DUSP22: variants seen among roughly 807,000 people sequenced by gnomAD.
DUSP22 encodes dual specificity phosphatase 22, also known as dual specificity protein phosphatase 22.
A neutral mutation model predicts 24.5 loss-of-function variants in DUSP22; 24 were observed. The observed-to-expected ratio is 0.98, with a 90% CI of 0.71 to 1.38. DUSP22 has a LOEUF of 1.38. Ranked by LOEUF, DUSP22 falls within the 40% of genes most tolerant of loss-of-function variation. The pLI is 0.00. For missense variants in DUSP22, 330 were observed against 269.2 expected, an observed-to-expected ratio of 1.23 and a Z score of -1.58; for synonymous variants, 160 against 106.4, an observed-to-expected ratio of 1.50 and a Z score of -3.10.
chr6:301,147 A>G (rs2127390912), intron 1 of DUSP22, among the ~76,000 whole-genome samples: 1 of 152,430 alleles, frequency 6.6e-6, no homozygotes, highest in South Asian at 2.1e-4. Context: ...CTTCCCACCA[A>G]GACTCCCTGG....
intron 1 of DUSP22, 88 bp downstream of exon 1, chr6:292,648 C>G: frequency 2.0e-6 from 3 of 1,509,586 alleles, no homozygotes; most frequent in Non-Finnish European, 2.7e-6. Flanking sequence ...GACTCGAGCC[C>G]GGGGTGCCCT....
chr6:346,007 G>T, intron 5 of DUSP22, 79 bp downstream of exon 5: 1 of 1,561,734 alleles, frequency 6.4e-7, no homozygotes, highest in Non-Finnish European at 8.8e-7. Flanking sequence ...TTCCGTGTGT[G>T]AATAATGGTT....
At chr6:306,191 G>A (rs953006078) in intron 2 of DUSP22, among the ~76,000 whole-genome samples, 4 of 152,304 alleles carry the variant, frequency 2.6e-5, no homozygotes, top group Admixed American at 2.0e-4. Flanking sequence ...TGTTTTCATG[G>A]GGAAAGGGAG....
At position 349,016 on chromosome 6, in the gene DUSP22, C is replaced by G. The variant is rs11242813; in HGVS notation, c.*65C>G. The G allele has an allele frequency of 6.5e-7, 1 of 1,533,002 alleles. No individual in the cohort carries two copies. The highest frequency in any genetic ancestry group is 2.5e-5 in the East Asian group (1 of 40,640). The allele number at this position is 1,533,002 out of a possible 1,614,324, so 95.0% of individuals were successfully genotyped here. On this transcript the variant is annotated 3_prime_UTR_variant, in exon 7 of 7. Coordinates refer to ENST00000419235, the MANE Select transcript of DUSP22 (RefSeq NM_001286555.3). ...CAGTGTGCCCGGCTGGGCAGGGGTG[C>G]GGTGGTGGTGGCCGATGAGGACAGG...
At chr6:313,748 T>C (rs1269435151) in intron 3 of DUSP22, among the ~76,000 whole-genome samples, 1 of 152,310 alleles carries the variant, frequency 6.6e-6, no homozygotes, top group African/African-American at 2.4e-5. Flanking sequence ...TGTATTAGTA[T>C]TGCCCCTCTT....
At chr6:301,098 T>A (rs909563573) in intron 1 of DUSP22, among the ~76,000 whole-genome samples, 3 of 152,306 alleles carry the variant, frequency 2.0e-5, no homozygotes, top group Admixed American at 2.0e-4. Flanking sequence ...TGAGCAGGTA[T>A]CTGGCATTGG....
At chr6:292,798 G>T (rs540752820) in intron 1 of DUSP22, among the ~76,000 whole-genome samples, 5 of 152,400 alleles carry the variant, frequency 3.3e-5, no homozygotes, top group African/African-American at 9.6e-5. Context: ...TTGCCAGCCG[G>T]TGCGTTTTCG....
intron 3 of DUSP22, among the ~76,000 whole-genome samples, chr6:318,595 A>G (rs1009635361): frequency 5.3e-5 from 8 of 152,300 alleles, no homozygotes; most frequent in Admixed American, 4.6e-4. Flanking sequence ...TCCCCAGGTG[A>G]CCACAGCAGG....
At chr6:317,237 T>TC (rs1207909227) in intron 3 of DUSP22, among the ~76,000 whole-genome samples, 1 of 152,304 alleles carries the variant, frequency 6.6e-6, no homozygotes, top group African/African-American at 2.4e-5. Flanking sequence ...CCATCCTTTT[T>TC]CCCCGGGTCA....
At chr6:329,068 A>C (rs1225574253) in intron 3 of DUSP22, among the ~76,000 whole-genome samples, 2 of 152,306 alleles carry the variant, frequency 1.3e-5, no homozygotes, top group East Asian at 3.8e-4. Flanking sequence ...CACACACGTA[A>C]ATGAGCATTC....
intron 1 of DUSP22, among the ~76,000 whole-genome samples, chr6:295,721 G>A (rs1174113739): frequency 6.6e-6 from 1 of 151,584 alleles, no homozygotes; most frequent in African/African-American, 2.4e-5. Flanking sequence ...AATCACCTCA[G>A]CCCGGGAAGT....
chr6:296,190 T>G (rs571368533), intron 1 of DUSP22, among the ~76,000 whole-genome samples: 1 of 152,312 alleles, frequency 6.6e-6, no homozygotes, highest in Non-Finnish European at 1.5e-5. Context: ...CTAAAACTTT[T>G]TTTTTATTGT....
chr6:340,459 A>C (rs1759558810), intron 4 of DUSP22, among the ~76,000 whole-genome samples: 1 of 152,308 alleles, frequency 6.6e-6, no homozygotes, highest in African/African-American at 2.4e-5. Context: ...CTCTGTTATG[A>C]AACCACCTTC....
In DUSP22 at chr6:350,095, C is replaced by T. The variant is rs894897957; in HGVS notation, c.*1144C>T. 1 of 986,034 alleles carries T rather than the reference C, an allele frequency of 1.0e-6. No homozygotes were observed. The highest frequency in any genetic ancestry group is 1.2e-6 in the Non-Finnish European group (1 of 830,338). 61.1% of individuals were successfully genotyped at this position (986,034 alleles called of 1,614,324 possible). On this transcript the variant is annotated 3_prime_UTR_variant, in exon 7 of 7. Transcript: ENST00000419235. ...GTTTGATAATTGATCTGAGCTACCT[C>T]ATTGAATGTTTTTGGAAAGGTGTTT...
chr6:311,933 G>T lies in DUSP22; in HGVS notation c.109G>T (p.Val37Phe). 2.5e-6 allele frequency: 4 copies of T among 1,612,776 alleles called. No homozygotes were observed. Among genetic ancestry groups the T allele is most frequent in the Non-Finnish European group, 3.4e-6 (4 of 1,179,210 alleles). Reference protein sequence around the residue: ...SKNKVTHILSVHDSARPMLEG... With the variant: ...SKNKVTHILSFHDSARPMLEG... ...GAACAAGGTGACACATATTCTGTCT[G>T]TCCACGATAGTGCCAGGCCTATGTT... Residue 37 changes from valine to phenylalanine, a missense_variant, in exon 3 of 7, where the codon GTC (valine) becomes TTC (phenylalanine). By Grantham distance (50) the Val-to-Phe change is conservative (BLOSUM62 -1). Coordinates refer to ENST00000419235, the MANE Select transcript of DUSP22 (RefSeq NM_001286555.3).
chr6:330,938 G>T (rs961795522), intron 3 of DUSP22, among the ~76,000 whole-genome samples: 1 of 152,300 alleles, frequency 6.6e-6, no homozygotes, highest in South Asian at 2.1e-4. Context: ...AATATACGGT[G>T]TACACCTGGT....
chr6:301,448 T>C (rs1266887393), intron 1 of DUSP22, among the ~76,000 whole-genome samples: 2 of 152,418 alleles, frequency 1.3e-5, no homozygotes, highest in Admixed American at 6.5e-5. Context: ...GCGGAAGCCA[T>C]GCTGAATATT....
At chr6:311,278 G>C (rs1182750362) in intron 2 of DUSP22, among the ~76,000 whole-genome samples, 1 of 152,308 alleles carries the variant, frequency 6.6e-6, no homozygotes, top group Non-Finnish European at 1.5e-5. Flanking sequence ...GGAGACTGCT[G>C]TTATATTACA....
At chr6:347,672 C>T (rs1487612451) in intron 5 of DUSP22, among the ~76,000 whole-genome samples, 1 of 152,306 alleles carries the variant, frequency 6.6e-6, no homozygotes, top group Non-Finnish European at 1.5e-5. Flanking sequence ...CCTCATATAG[C>T]TGAGAAAACT....
Sources: allele counts gnomAD v4.1 joint callset (sites outside exome capture counted in the v4.1 genomes callset), GRCh38; gene constraint gnomAD v4.1.1; transcripts MANE v1.5; gene names NCBI Gene and HGNC (gene_info 2026-07-23, HGNC 2026-07-21).